PRKDC: variants seen among roughly 807,000 people sequenced by gnomAD.
PRKDC encodes the protein protein kinase, DNA-activated, catalytic subunit, also known as DNA-dependent protein kinase catalytic subunit.
PRKDC carries 82 observed loss-of-function variants against 486.9 expected under a neutral mutation model. The observed-to-expected ratio is 0.17, with a 90% CI of 0.14 to 0.20. The LOEUF is 0.20. PRKDC is among the 10% of genes least tolerant of loss of function. The pLI is 1.00. For synonymous variants in PRKDC, 1,895 were observed against 1,837.0 expected (o/e 1.03, Z -0.81); for missense variants, 4,504 against 5,038.2 (o/e 0.89, Z 3.21).
chr8:47,796,760 C>T (rs576081731), intron 73 of PRKDC, among the ~76,000 whole-genome samples: 8 of 148,848 alleles, frequency 5.4e-5, no homozygotes, highest in South Asian at 2.2e-4. Flanking sequence ...CCACCACGCC[C>T]GGCTAATTTT....
intron 48 of PRKDC, 68 bp downstream of exon 48, chr8:47,858,448 A>C (rs1034904873): frequency 7.6e-7 from 1 of 1,321,668 alleles, no homozygotes; most frequent in Non-Finnish European, 1.0e-6. Flanking sequence ...CAATTGATTC[A>C]TTCATAGAAT....
chr8:47,958,820 CCTT>C (rs914336019), intron 1 of PRKDC, among the ~76,000 whole-genome samples: 2 of 151,366 alleles, frequency 1.3e-5, no homozygotes, highest in South Asian at 4.2e-4. Flanking sequence ...ACTGCAATCT[CCTT>C]CTCCTGGGTT....
chr8:47,943,183 T>C, intron 10 of PRKDC, 26 bp downstream of exon 10: 2 of 1,603,544 alleles, frequency 1.2e-6, no homozygotes, highest in Non-Finnish European at 1.7e-6. Context: ...AGAAATATTG[T>C]TAAATGACAG....
At chr8:47,959,097 T>C (rs2090763900) in intron 1 of PRKDC, 1 of 152,144 alleles carries the variant, frequency 6.6e-6, no homozygotes, top group Admixed American at 6.6e-5. Flanking sequence ...TACTAGACCC[T>C]CCGGAAGAAA....
intron 16 of PRKDC, among the ~76,000 whole-genome samples, chr8:47,932,026 G>T (rs2090264797): frequency 6.6e-6 from 1 of 151,900 alleles, no homozygotes; most frequent in Non-Finnish European, 1.5e-5. Flanking sequence ...GAGTACCTGG[G>T]ATTACAGGTG....
intron 22 of PRKDC, among the ~76,000 whole-genome samples, chr8:47,917,241 T>C (rs919874988): frequency 4.6e-5 from 7 of 151,994 alleles, no homozygotes; most frequent in Non-Finnish European, 8.8e-5. Context: ...GGTGACAACA[T>C]GAGATCCTGC....
At chr8:47,909,490 T>C (rs2089856755) in intron 25 of PRKDC, among the ~76,000 whole-genome samples, 1 of 152,156 alleles carries the variant, frequency 6.6e-6, no homozygotes, top group Non-Finnish European at 1.5e-5. Context: ...ATATGTGTGC[T>C]TGAACAATAT....
At chr8:47,941,347 G>A (rs1184077331) in intron 10 of PRKDC, among the ~76,000 whole-genome samples, 3 of 152,008 alleles carry the variant, frequency 2.0e-5, no homozygotes, top group Non-Finnish European at 4.4e-5. Flanking sequence ...CAGGTCACAA[G>A]GGATGATCTA....
intron 70 of PRKDC, among the ~76,000 whole-genome samples, chr8:47,802,504 C>T (rs1426150210): frequency 3.6e-5 from 5 of 137,436 alleles, no homozygotes; most frequent in Non-Finnish European, 1.5e-5. Context: ...TTTTGAGAGA[C>T]GGAGTTTTGC....
At chr8:47,889,345 T>A in intron 32 of PRKDC, 123 bp from the exon 33 acceptor site, 1 of 769,320 alleles carries the variant, frequency 1.3e-6, no homozygotes, top group Non-Finnish European at 2.0e-6. Flanking sequence ...AGTTTCTCTG[T>A]AAAACGGGGG....
intron 80 of PRKDC, among the ~76,000 whole-genome samples, chr8:47,781,018 A>G (rs553807770): frequency 9.2e-5 from 14 of 152,334 alleles, no homozygotes; most frequent in African/African-American, 3.4e-4. Flanking sequence ...AGTGCCCTGT[A>G]AAAAGGCAGT....
intron 10 of PRKDC, among the ~76,000 whole-genome samples, chr8:47,942,145 T>C (rs766118641): frequency 6.6e-5 from 10 of 152,336 alleles, no homozygotes; most frequent in Non-Finnish European, 1.0e-4. Context: ...TGTCAAGATG[T>C]TTATCGCAGT....
At chr8:47,808,596 T>A (rs2087262879) in intron 68 of PRKDC, among the ~76,000 whole-genome samples, 1 of 152,002 alleles carries the variant, frequency 6.6e-6, no homozygotes, top group South Asian at 2.1e-4. Context: ...TGCCTCAGCC[T>A]CCCAAGAAGC....
chr8:47,819,935 A>G (rs575520929), intron 66 of PRKDC, among the ~76,000 whole-genome samples: 7 of 152,362 alleles, frequency 4.6e-5, no homozygotes, highest in Admixed American at 4.6e-4. Context: ...AATGTCACTA[A>G]CCTATACTAA....
At chr8:47,909,036 A>G (rs1324712737) in intron 25 of PRKDC, among the ~76,000 whole-genome samples, 5 of 152,128 alleles carry the variant, frequency 3.3e-5, no homozygotes, top group Non-Finnish European at 7.3e-5. Context: ...CAGTTCAGTG[A>G]AAACTCCTCC....
chr8:47,798,760 C>A (rs1020789092), intron 72 of PRKDC, among the ~76,000 whole-genome samples: 1 of 151,954 alleles, frequency 6.6e-6, no homozygotes, highest in Non-Finnish European at 1.5e-5. Context: ...AACAGAGGAC[C>A]ACTTGACTCC....
chr8:47,904,537 G>A (rs1589780990), intron 26 of PRKDC, among the ~76,000 whole-genome samples: 1 of 152,200 alleles, frequency 6.6e-6, no homozygotes, highest in African/African-American at 2.4e-5. Context: ...ACAGGCGTGA[G>A]CCACTGTGCC....
chr8:47,778,681 T>C (rs369667998), intron 82 of PRKDC, 21 bp from the exon 83 acceptor site: 2 of 1,613,084 alleles, frequency 1.2e-6, no homozygotes, highest in African/African-American at 2.7e-5. Flanking sequence ...GACACAGCTG[T>C]GCGGCTGCTG....
chr8:47,829,861 T>G (rs1378384831), intron 61 of PRKDC, among the ~76,000 whole-genome samples: 1 of 152,176 alleles, frequency 6.6e-6, no homozygotes, highest in Admixed American at 6.5e-5. Context: ...CTCAAGGCAA[T>G]CTACAGAATC....
Sources: gnomAD v4.1 joint callset for allele counts (sites outside exome capture counted in the v4.1 genomes callset) on GRCh38, gnomAD v4.1.1 for gene constraint, MANE v1.5 for transcripts, NCBI Gene and HGNC (gene_info 2026-07-23, HGNC 2026-07-21) for gene names.